Variants in PHF2 observed in about 807,000 individuals in gnomAD.
PHF2 encodes lysine-specific demethylase PHF2.
A neutral mutation model predicts 120.5 loss-of-function variants in PHF2; 27 were observed. The ratio of observed to expected loss-of-function variants is 0.22; its 90% CI spans 0.17 to 0.31. The LOEUF is 0.31. PHF2 is among the 10% of genes least tolerant of loss of function. The pLI is 1.00. For missense variants in PHF2, 1,024 were observed against 1,434.8 expected, an observed-to-expected ratio of 0.71 and a Z score of 4.63; for synonymous variants, 568 against 592.5, an observed-to-expected ratio of 0.96 and a Z score of 0.60.
chr9:93,679,350 C>T lies in PHF2; in HGVS notation c.*1674C>T. 1 of 441,562 alleles carries T rather than the reference C, an allele frequency of 2.3e-6. No homozygotes were observed. The highest frequency in any genetic ancestry group is 4.5e-6 in the Non-Finnish European group (1 of 222,782). 27.4% of individuals were successfully genotyped at this position (441,562 alleles called of 1,614,324 possible). ...CTGGTGTTTTTAAAGTTTCCTTTAC[C>T]CTGCCCTTGTTGAACATTTATATAA... is the stretch of plus-strand genomic sequence containing the variant. On this transcript the variant is annotated 3_prime_UTR_variant, in exon 22 of 22. Transcript: ENST00000359246.
intron 1 of PHF2, among the ~76,000 whole-genome samples, chr9:93,612,746 C>T (rs1393369484): frequency 1.3e-5 from 2 of 152,152 alleles, no homozygotes; most frequent in Non-Finnish European, 2.9e-5. Context: ...TGGTATTGTC[C>T]TGAATTGTTT....
chr9:93,669,811 C>T (rs533041933), intron 17 of PHF2, among the ~76,000 whole-genome samples: 2 of 152,334 alleles, frequency 1.3e-5, no homozygotes, highest in South Asian at 4.1e-4. Flanking sequence ...AGCAGAGCCT[C>T]AGTCTTGGGA....
Position 93,649,065 on chromosome 9 carries a change from C to T in PHF2, c.461-6C>T. 1 of 1,550,984 alleles carries T rather than the reference C, an allele frequency of 6.4e-7. No individual in the cohort carries two copies. The highest frequency in any genetic ancestry group is 1.2e-5 in the South Asian group (1 of 84,022). On this transcript the variant is annotated splice_region_variant and splice_polypyrimidine_tract_variant and intron_variant, in intron 4 of 21. Transcript: ENST00000359246. Reference sequence around the variant, plus strand: ...GGTGCTCAAGCTCCTCCCACCACCTCCCTAGGGCCGGAACGGAGTGTGGAT... The same window carrying T: ...GGTGCTCAAGCTCCTCCCACCACCTTCCTAGGGCCGGAACGGAGTGTGGAT...
At chr9:93,650,007 ACACT>A (rs72150120) in intron 5 of PHF2, among the ~76,000 whole-genome samples, 9,356 of 151,630 alleles carry the variant, frequency 0.062, 390 homozygotes, top group Non-Finnish European at 0.089. Context: ...TGGTACACTC[ACACT>A]CACGGACACA....
At chr9:93,595,778 G>C (rs573076145) in intron 1 of PHF2, among the ~76,000 whole-genome samples, 1 of 152,336 alleles carries the variant, frequency 6.6e-6, no homozygotes, top group Admixed American at 6.5e-5. Flanking sequence ...CCCTGAGGAT[G>C]CTAGACCTGG....
At chr9:93,589,701 C>T (rs552061340) in intron 1 of PHF2, among the ~76,000 whole-genome samples, 1 of 152,300 alleles carries the variant, frequency 6.6e-6, no homozygotes, top group African/African-American at 2.4e-5. Context: ...AACATTAGCA[C>T]ATGGTAAGAA....
Position 93,676,689 on chromosome 9 carries a change from C to T in PHF2, c.2928C>T (p.Thr976=). Residue 976 remains threonine, a synonymous_variant, in exon 21 of 22, where the codon ACC becomes ACT. Transcript: ENST00000359246. ...PSTSTSISAG[T]TSTSTTPAST... ...CCTCCACCTCCATCTCTGCCGGCAC[C>T]ACCTCCACCTCCACCACGCCAGCCT... 6.4e-7 allele frequency: 1 copy of T among 1,564,942 alleles called. No homozygotes were observed.
intron 6 of PHF2, 90 bp downstream of exon 6, chr9:93,653,455 C>A: frequency 1.5e-6 from 2 of 1,335,244 alleles, no homozygotes; most frequent in Non-Finnish European, 2.1e-6. Flanking sequence ...CCTGATTGGC[C>A]AGGATGCGAC....
At chr9:93,664,344 T>G (rs748762613) in intron 14 of PHF2, among the ~76,000 whole-genome samples, 30 of 152,170 alleles carry the variant, frequency 2.0e-4, no homozygotes, top group Non-Finnish European at 3.4e-4. Flanking sequence ...TGCGGAGGGC[T>G]GTGAGCCCGG....
rs756982986 is a variant in PHF2, at chr9:93,659,528, G to A, written c.1257G>A (p.Glu419=). 1 of 1,614,096 alleles carries A rather than the reference G, an allele frequency of 6.2e-7. No homozygotes were observed. The highest frequency in any genetic ancestry group is 8.5e-7 in the Non-Finnish European group (1 of 1,180,008). The change falls in exon 11 of 22, where the codon GAG becomes GAA. Residue 419 remains glutamate (E), a synonymous_variant. Coordinates refer to ENST00000359246, the MANE Select transcript of PHF2 (RefSeq NM_005392.4). ...WTKKQALAEH[E]DELPEHFKPS... is the part of the protein sequence containing the mutation. ...TCCTGCAGGCTTTGGCAGAGCATGAGGACGAGCTCCCGGAGCACTTCAAAC... is the reference window on the plus strand; with the variant it reads ...TCCTGCAGGCTTTGGCAGAGCATGAAGACGAGCTCCCGGAGCACTTCAAAC...
chr9:93,659,537 C>T lies in PHF2; in HGVS notation c.1266C>T (p.Leu422=), dbSNP rs758033401. The T allele has an allele frequency of 6.2e-7, 1 of 1,613,972 alleles. No individual in the cohort carries two copies. The highest frequency in any genetic ancestry group is 1.3e-5 in the African/African-American group (1 of 74,942). The change falls in exon 11 of 22, where the codon CTC becomes CTT. Residue 422 remains leucine (L), a synonymous_variant. Coordinates refer to ENST00000359246, the MANE Select transcript of PHF2 (RefSeq NM_005392.4). ...KQALAEHEDE[L]PEHFKPSQLI... is the part of the protein sequence containing the mutation. ...CTTTGGCAGAGCATGAGGACGAGCT[C>T]CCGGAGCACTTCAAACCTTCACAGC... is the stretch of plus-strand genomic sequence containing the variant.
chr9:93,589,226 A>C (rs142670655), intron 1 of PHF2, among the ~76,000 whole-genome samples: 23 of 152,334 alleles, frequency 1.5e-4, no homozygotes, highest in Non-Finnish European at 2.9e-4. Context: ...GAAGCTTTAT[A>C]AGCAGGCAGA....
At chr9:93,619,599 T>C (rs1173058944) in intron 1 of PHF2, among the ~76,000 whole-genome samples, 2 of 150,900 alleles carry the variant, frequency 1.3e-5, no homozygotes, top group African/African-American at 2.4e-5. Context: ...CTGCTGGTGG[T>C]TCCTGGTGGC....
intron 1 of PHF2, among the ~76,000 whole-genome samples, chr9:93,613,090 G>A (rs915431355): frequency 6.6e-6 from 1 of 152,236 alleles, no homozygotes; most frequent in Non-Finnish European, 1.5e-5. Context: ...AAAGCACTTT[G>A]TCTGAGAGCT....
chr9:93,630,160 T>C (rs1825976508), intron 2 of PHF2, 105 bp downstream of exon 2: 3 of 1,147,230 alleles, frequency 2.6e-6, no homozygotes, highest in Admixed American at 1.8e-5. Context: ...GGCCCTGGGT[T>C]GCTGGGGGCA....
intron 13 of PHF2, 118 bp downstream of exon 13, chr9:93,663,144 C>T: frequency 1.4e-6 from 2 of 1,399,138 alleles, no homozygotes; most frequent in South Asian, 1.3e-5. Flanking sequence ...TCTGCTTGTC[C>T]TGAGTAGGTA....
intron 16 of PHF2, 145 bp downstream of exon 16, chr9:93,666,205 T>C: frequency 1.5e-6 from 1 of 683,764 alleles, no homozygotes; most frequent in Non-Finnish European, 2.5e-6. Flanking sequence ...CCCCACCCTT[T>C]CATGAGTGTT....
chr9:93,669,541 A>T (rs1826744178), intron 17 of PHF2, among the ~76,000 whole-genome samples: 1 of 152,200 alleles, frequency 6.6e-6, no homozygotes, highest in African/African-American at 2.4e-5. Flanking sequence ...AATCCTGCTC[A>T]GTCCCTGTGA....
chr9:93,594,879 G>T (rs997897551), intron 1 of PHF2: 3 of 153,870 alleles, frequency 1.9e-5, no homozygotes, highest in Non-Finnish European at 4.4e-5. Context: ...TTTAATGGCA[G>T]TTACTTTTGC....
Sources: allele counts gnomAD v4.1 joint callset (sites outside exome capture counted in the v4.1 genomes callset), GRCh38; gene constraint gnomAD v4.1.1; transcripts MANE v1.5; gene names NCBI Gene and HGNC (gene_info 2026-07-23, HGNC 2026-07-21).